KAZN: variants seen among roughly 807,000 people sequenced by gnomAD.
KAZN encodes the protein kazrin, periplakin interacting protein, also known as kazrin.
In KAZN, 40 loss-of-function variants were observed where a neutral mutation model predicts 87.4. That is an observed-to-expected ratio of 0.46 (90% CI 0.36 to 0.60). The LOEUF is 0.60. Among genes scored for constraint, KAZN ranks in the 20% least tolerant of loss-of-function variants. KAZN has a pLI of 0.00. For missense variants in KAZN, 898 were observed against 1,073.9 expected, an observed-to-expected ratio of 0.84 and a Z score of 2.29; for synonymous variants, 466 against 458.3, an observed-to-expected ratio of 1.02 and a Z score of -0.22.
chr1:14,362,895 C>T (rs1002510489), intron 2 of KAZN, among the ~76,000 whole-genome samples: 1 of 152,132 alleles, frequency 6.6e-6, no homozygotes, highest in African/African-American at 2.4e-5. Context: ...AGTGATTTTA[C>T]ATATAGAGAA....
intron 1 of KAZN, among the ~76,000 whole-genome samples, chr1:14,026,620 G>A (rs527960660): frequency 1.6e-4 from 24 of 152,082 alleles, no homozygotes; most frequent in African/African-American, 5.8e-4. Context: ...GTGTAGAGCA[G>A]CAACTTTTCT....
intron 2 of KAZN, among the ~76,000 whole-genome samples, chr1:15,018,890 T>C (rs1216838370): frequency 6.6e-6 from 1 of 152,198 alleles, no homozygotes; most frequent in East Asian, 1.9e-4. Context: ...CTAAAGCTCA[T>C]CTTCAGATAT....
chr1:13,917,021 A>G (rs574740464), intron 1 of KAZN, among the ~76,000 whole-genome samples: 1 of 151,522 alleles, frequency 6.6e-6, no homozygotes, highest in East Asian at 2.2e-4. Context: ...TGATTCGATT[A>G]GAAGAATTCT....
At chr1:14,834,356 CTTTTTTTTTTTT>C (rs34228625) in intron 1 of KAZN, among the ~76,000 whole-genome samples, 1 of 88,640 alleles carries the variant, frequency 1.1e-5, no homozygotes, top group Non-Finnish European at 2.1e-5. Context: ...AAGTCACTTC[CTTTTTTTTTTTT>C]TTTTTTTTTT....
intron 1 of KAZN, among the ~76,000 whole-genome samples, chr1:14,813,158 A>G (rs1646463123): frequency 6.6e-6 from 1 of 151,952 alleles, no homozygotes; most frequent in Non-Finnish European, 1.5e-5. Flanking sequence ...TCATCAATCC[A>G]CCATTCATGG....
chr1:14,130,587 C>T (rs1478959000), intron 1 of KAZN, among the ~76,000 whole-genome samples: 2 of 151,298 alleles, frequency 1.3e-5, no homozygotes, highest in African/African-American at 4.9e-5. Flanking sequence ...CATATCTGAA[C>T]CTTCTGCCAT....
rs374402910 is a variant in KAZN, at chr1:14,122,341, C to T, written c.92-58094C>T. On this transcript the variant is annotated intron_variant, in intron 1 of 16. Transcript: ENST00000636203. ...ACCCAATTCTTCTTTGAACTTCACT[C>T]CTGTGGCCAAGGAATCAATAACCTC... Among the ~76,000 whole-genome samples the T allele has an allele frequency of 2.6e-5, 4 of 152,172 alleles. No individual in the cohort carries two copies. In the East Asian group the frequency reaches 7.7e-4, roughly 29 times the overall value.
At chr1:14,398,952 C>T (rs1016332897) in intron 2 of KAZN, among the ~76,000 whole-genome samples, 9 of 152,086 alleles carry the variant, frequency 5.9e-5, no homozygotes, top group Admixed American at 3.3e-4. Flanking sequence ...CAACTGCCAC[C>T]GATCCCCTGA....
At chr1:15,073,687 G>A (rs1363690756) in intron 8 of KAZN, among the ~76,000 whole-genome samples, 1 of 152,232 alleles carries the variant, frequency 6.6e-6, no homozygotes, top group African/African-American at 2.4e-5. Flanking sequence ...GAGATGCATA[G>A]CCAGGAAGTG....
At chr1:14,364,781 T>A (rs1659828758) in intron 2 of KAZN, among the ~76,000 whole-genome samples, 1 of 152,220 alleles carries the variant, frequency 6.6e-6, no homozygotes, top group African/African-American at 2.4e-5. Flanking sequence ...GAAGAATTGT[T>A]CCTTGTCTCT....
At chr1:14,356,330 T>G (rs1659026181) in intron 2 of KAZN, among the ~76,000 whole-genome samples, 1 of 152,234 alleles carries the variant, frequency 6.6e-6, no homozygotes, top group African/African-American at 2.4e-5. Flanking sequence ...TATTAGCCCT[T>G]TGTCAGATTG....
intron 2 of KAZN, among the ~76,000 whole-genome samples, chr1:14,382,471 C>CCCCCTCT (rs1181649530): frequency 1.1e-5 from 1 of 88,358 alleles, no homozygotes; most frequent in Non-Finnish European, 2.1e-5. Context: ...CTCCCCCCTC[C>CCCCCTCT]CCCCACCCCA....
intron 2 of KAZN, among the ~76,000 whole-genome samples, chr1:14,527,317 G>A (rs1671926756): frequency 6.6e-6 from 1 of 152,222 alleles, no homozygotes; most frequent in African/African-American, 2.4e-5. Context: ...TTGGGAGGCT[G>A]AGGTAGCCAG....
At chr1:14,883,310 A>AGAGAGAG (rs1653552012) in intron 1 of KAZN, among the ~76,000 whole-genome samples, 2 of 49,394 alleles carry the variant, frequency 4.0e-5, no homozygotes, top group Non-Finnish European at 8.4e-5. Context: ...GAAAGAAAGA[A>AGAGAGAG]AGAAAGAAAG....
At chr1:14,444,699 G>T (rs1174692912) in intron 2 of KAZN, among the ~76,000 whole-genome samples, 1 of 152,016 alleles carries the variant, frequency 6.6e-6, no homozygotes, top group African/African-American at 2.4e-5. Context: ...ATGCAGCTTG[G>T]GTATTTACTC....
intron 1 of KAZN, among the ~76,000 whole-genome samples, chr1:14,833,725 C>G (rs1309351840): frequency 6.6e-6 from 1 of 152,092 alleles, no homozygotes; most frequent in Non-Finnish European, 1.5e-5. Context: ...GACCAGGAGC[C>G]TGAAGATGAG....
At chr1:14,034,929 G>A (rs547338692) in intron 1 of KAZN, among the ~76,000 whole-genome samples, 12 of 152,276 alleles carry the variant, frequency 7.9e-5, no homozygotes, top group South Asian at 4.1e-4. Context: ...TTAGTGGGCC[G>A]CTTGCAGTGA....
intron 1 of KAZN, among the ~76,000 whole-genome samples, chr1:14,049,514 A>G (rs1292493232): frequency 6.6e-6 from 1 of 152,156 alleles, no homozygotes; most frequent in Non-Finnish European, 1.5e-5. Context: ...CCTGCTGCCT[A>G]CTGAACAATT....
chr1:14,272,303 G>C (rs535330345), intron 2 of KAZN, among the ~76,000 whole-genome samples: 1 of 152,096 alleles, frequency 6.6e-6, no homozygotes, highest in African/African-American at 2.4e-5. Context: ...TCCTCCTGGC[G>C]ATGGCAGAAG....
Sources: allele counts gnomAD v4.1 joint callset (sites outside exome capture counted in the v4.1 genomes callset), GRCh38; gene constraint gnomAD v4.1.1; transcripts MANE v1.5; gene names NCBI Gene and HGNC (gene_info 2026-07-23, HGNC 2026-07-21).